The following TSR2 variants were observed in gnomAD, a reference collection of about 807,000 sequenced individuals.
TSR2 encodes the protein pre-rRNA-processing protein TSR2 homolog.
A neutral mutation model predicts 13.3 loss-of-function variants in TSR2; 1 was observed. That is an observed-to-expected ratio of 0.08 (90% confidence interval 0.03 to 0.36). The LOEUF (loss-of-function observed/expected upper bound fraction) is 0.36, where lower values mean the gene tolerates loss of function less well. TSR2 is among the 10% of genes least tolerant of loss of function. TSR2 has a pLI of 0.99. For missense variants in TSR2, 120 were observed against 151.1 expected (o/e 0.79, Z 1.08); for synonymous variants, 60 against 57.7 (o/e 1.04, Z -0.18).
intron 2 of TSR2, among the ~76,000 whole-genome samples, chrX:54,441,254 C>T (rs898132206): frequency 7.2e-5 from 8 of 111,374 alleles, no homozygotes; most frequent in East Asian, 2.8e-4. Flanking sequence ...ACAGTTTTAG[C>T]ACATTTCGAT....
intron 1 of TSR2, 41 bp from the exon 2 acceptor site, chrX:54,440,649 G>A: frequency 8.4e-7 from 1 of 1,185,750 alleles, no homozygotes; most frequent in Non-Finnish European, 1.1e-6. Flanking sequence ...CTCCAGGTCT[G>A]CTCCCAAGCT....
In TSR2 at chrX:54,445,514, A is replaced by G. The variant is rs1465114421; in HGVS notation, c.*964A>G. On this transcript the variant is annotated 3_prime_UTR_variant, in exon 5 of 5. Transcript: ENST00000375151. Reference sequence around the variant, plus strand: ...AAAAAAAAAAAACACACAAAAAAACACAAAAAACTGAGTATCCATTGTCCT... The same window carrying G: ...AAAAAAAAAAAACACACAAAAAAACGCAAAAAACTGAGTATCCATTGTCCT... The G allele has an allele frequency of 9.1e-6, 1 of 109,389 alleles. No homozygotes were observed. Among genetic ancestry groups the G allele is most frequent in the African/African-American group, 3.4e-5 (1 of 29,634 alleles). 9.0% of individuals were successfully genotyped at this position (109,389 alleles called of 1,213,427 possible). A position where few individuals can be genotyped will look rare whatever the true frequency, so the allele number is the denominator to read the frequency against.
chrX:54,440,509 GGGGCCA>G lies in TSR2; in HGVS notation c.81+18_81+23del. On this transcript the variant is annotated splice_region_variant and intron_variant, in intron 1 of 4. Transcript: ENST00000375151. ...GGCCTGGCCGGCCTTGCAGGTCAGT[GGGGCCA>G]GGGCCAGGGCAAGGTCAAGGTTAGG... 2.6e-6 allele frequency: 3 copies of G among 1,142,299 alleles called. No individual in the cohort carries two copies. The highest frequency in any genetic ancestry group is 4.2e-5 in the South Asian group (2 of 47,436). 94.1% of individuals were successfully genotyped at this position (1,142,299 alleles called of 1,213,427 possible).
chrX:54,444,394 C>G (rs769826489), intron 4 of TSR2, 22 bp from the exon 5 acceptor site: 44 of 1,197,251 alleles, frequency 3.7e-5, no homozygotes, highest in Non-Finnish European at 4.8e-5. Context: ...GTATTCAGCT[C>G]TCTTTTAAAT....
chrX:54,443,010 G>A (rs1921986887), intron 2 of TSR2, among the ~76,000 whole-genome samples: 1 of 111,544 alleles, frequency 9.0e-6, no homozygotes, highest in Non-Finnish European at 1.9e-5. Flanking sequence ...CTTGCTCAAG[G>A]TCTCATAGAG....
Position 54,444,649 on chromosome X carries a change from A to G in TSR2, c.*99A>G, listed in dbSNP as rs761379454. 101 of 855,836 alleles carry G rather than the reference A, an allele frequency of 1.2e-4. No homozygotes were observed. The highest frequency in any genetic ancestry group is 1.6e-4 in the Non-Finnish European group (99 of 619,341). 70.5% of individuals were successfully genotyped at this position (855,836 alleles called of 1,213,427 possible). On this transcript the variant is annotated 3_prime_UTR_variant, in exon 5 of 5. Coordinates refer to ENST00000375151, the MANE Select transcript of TSR2 (RefSeq NM_058163.3). ...AGGATTGCAGACCTGTGGACTGGTTACCCCATCTCCACCCTCTCCCCTGTT... is the reference window on the plus strand; with the variant it reads ...AGGATTGCAGACCTGTGGACTGGTTGCCCCATCTCCACCCTCTCCCCTGTT...
In TSR2 at chrX:54,442,639, A is replaced by G. The variant is rs1354228216; in HGVS notation, c.173-761A>G. Among the ~76,000 whole-genome samples, 4 of 111,541 alleles carry G rather than the reference A, an allele frequency of 3.6e-5. No individual in the cohort carries two copies. In the East Asian group the frequency reaches 1.1e-3, roughly 31 times the overall value. ...GGAGACTTTCTTGAGTTACTGTCTA[A>G]TTCAGAAAAAGTAGAGCATAGGCCC... On this transcript the variant is annotated intron_variant, in intron 2 of 4. Transcript: ENST00000375151.
In TSR2 at chrX:54,447,564, C is replaced by A; in HGVS notation, c.*3014C>A. The A allele has an allele frequency of 1.2e-6, 1 of 832,787 alleles. No individual in the cohort carries two copies. 68.6% of individuals were successfully genotyped at this position (832,787 alleles called of 1,213,427 possible). On this transcript the variant is annotated 3_prime_UTR_variant, in exon 5 of 5. Coordinates refer to ENST00000375151, the MANE Select transcript of TSR2 (RefSeq NM_058163.3). ...CTGCTATTCCTATCTCAGATGAAGA[C>A]GCTCAAGCTCAGGTGGCAGGAGTGA...
In TSR2 at chrX:54,440,417, G is replaced by A. The variant is rs2147412455; in HGVS notation, c.-5G>A. 1 of 1,131,636 alleles carries A rather than the reference G, an allele frequency of 8.8e-7. No individual in the cohort carries two copies. Among genetic ancestry groups the A allele is most frequent in the Non-Finnish European group, 1.2e-6 (1 of 858,917 alleles). The allele number at this position is 1,131,636 out of a possible 1,213,427, so 93.3% of individuals were successfully genotyped here. ...CCGGGACGTCACGTGGACTGGGGCCGGATAATGGCGGGCGCTGCAGAAGAT... is the reference window on the plus strand; with the variant it reads ...CCGGGACGTCACGTGGACTGGGGCCAGATAATGGCGGGCGCTGCAGAAGAT... On this transcript the variant is annotated 5_prime_UTR_variant, in exon 1 of 5. Coordinates refer to ENST00000375151, the MANE Select transcript of TSR2 (RefSeq NM_058163.3).
At chrX:54,441,401 T>TA (rs745733881) in intron 2 of TSR2, among the ~76,000 whole-genome samples, 1 of 111,788 alleles carries the variant, frequency 8.9e-6, no homozygotes, top group Non-Finnish European at 1.9e-5. Flanking sequence ...GTATGGTTTT[T>TA]AAAAAAATCT....
intron 4 of TSR2, 64 bp from the exon 5 acceptor site, chrX:54,444,352 C>T (rs1922041864): frequency 1.7e-6 from 2 of 1,157,179 alleles, no homozygotes; most frequent in East Asian, 3.1e-5. Context: ...CCTGGAAAAG[C>T]TGGAGCAGAG....
chrX:54,440,833 G>A, intron 2 of TSR2, 53 bp downstream of exon 2: 3 of 986,205 alleles, frequency 3.0e-6, no homozygotes, highest in Non-Finnish European at 1.4e-6. Flanking sequence ...TGGAGAGGAG[G>A]AGCCCCATCC....
At chrX:54,442,055 C>A (rs1921956788) in intron 2 of TSR2, among the ~76,000 whole-genome samples, 3 of 112,062 alleles carry the variant, frequency 2.7e-5, no homozygotes, top group African/African-American at 9.7e-5. Flanking sequence ...TCCCTTAAGA[C>A]CCAGCAGAAC....
chrX:54,444,028 C>T lies in TSR2; in HGVS notation c.285C>T (p.Thr95=), dbSNP rs371349887. 2.7e-5 allele frequency: 33 copies of T among 1,208,144 alleles called. No individual in the cohort carries two copies. In the African/African-American group the frequency reaches 5.2e-4, roughly 19 times the overall value. Residue 95 remains threonine (T), a synonymous_variant, in exon 4 of 5, where the codon ACC becomes ACT. Transcript: ENST00000375151. The part of the protein sequence containing the change: ...SLPQVSQQLQ[T]MFHHFQRGDG... ...GGTAGGTGAGCCAGCAACTGCAGACCATGTTCCACCACTTCCAGAGGGGTG... is the reference window on the plus strand; with the variant it reads ...GGTAGGTGAGCCAGCAACTGCAGACTATGTTCCACCACTTCCAGAGGGGTG...
At chrX:54,441,094 A>G (rs1921916272) in intron 2 of TSR2, among the ~76,000 whole-genome samples, 2 of 112,260 alleles carry the variant, frequency 1.8e-5, no homozygotes, top group African/African-American at 6.5e-5. Context: ...ATAATTTAAA[A>G]TTTTTTAGTA....
rs552289674 is a variant in TSR2, at chrX:54,447,472, G to C, written c.*2922G>C. ...GCCTGTTTCTGTGGCCAGAGACACCGGGCATCAATGTTGACAGAAGGCCTA... is the reference window on the plus strand; with the variant it reads ...GCCTGTTTCTGTGGCCAGAGACACCCGGCATCAATGTTGACAGAAGGCCTA... On this transcript the variant is annotated 3_prime_UTR_variant, in exon 5 of 5. Coordinates refer to ENST00000375151, the MANE Select transcript of TSR2 (RefSeq NM_058163.3). 3.3e-6 allele frequency: 4 copies of C among 1,203,921 alleles called. No homozygotes were observed. The highest frequency in any genetic ancestry group is 4.5e-6 in the Non-Finnish European group (4 of 891,543).
intron 4 of TSR2, 105 bp downstream of exon 4, chrX:54,444,289 T>C: frequency 8.7e-7 from 1 of 1,155,938 alleles, no homozygotes; most frequent in Non-Finnish European, 1.2e-6. Context: ...TGGTTGGTGG[T>C]AGTAGTATTA....
rs752257422 is a variant in TSR2, at chrX:54,444,132, C to T, written c.389C>T (p.Ala130Val). The T allele has an allele frequency of 9.9e-6, 12 of 1,210,037 alleles. No homozygotes were observed. The South Asian group carries it at 1.9e-4, about 20-fold the overall frequency. The change falls in exon 4 of 5, where the codon GCT (alanine) becomes GTT (valine). Residue 130 changes from alanine to valine, a missense_variant. By Grantham distance (64) the Ala-to-Val change is moderately conservative. Coordinates refer to ENST00000375151, the MANE Select transcript of TSR2 (RefSeq NM_058163.3). ...GTCACAGCCACTGCACTTAAGACAG[C>T]TAGAGAGACTGATGAGGATGAAGAT... ...CKVTATALKT[A>V]RETDEDEDDV...
At chrX:54,443,796 G>T (rs994950689) in intron 3 of TSR2, among the ~76,000 whole-genome samples, 1 of 111,618 alleles carries the variant, frequency 9.0e-6, no homozygotes, top group African/African-American at 3.3e-5. Flanking sequence ...CAGTTCTAGA[G>T]GATTCCCTGC....
Sources: allele counts gnomAD v4.1 joint callset (sites outside exome capture counted in the v4.1 genomes callset), GRCh38; gene constraint gnomAD v4.1.1; transcripts MANE v1.5; gene names NCBI Gene and HGNC (gene_info 2026-07-23, HGNC 2026-07-21).